Variants in MTF1 observed in about 807,000 individuals in gnomAD.
MTF1 encodes the protein MRE-binding transcription factor.
MTF1 carries 22 observed loss-of-function variants against 70.4 expected under a neutral mutation model. The observed-to-expected ratio is 0.31, with a 90% CI of 0.22 to 0.45. MTF1 has a LOEUF of 0.45. MTF1 is among the 20% of genes least tolerant of loss of function. MTF1 has a pLI of 1.00. For synonymous variants in MTF1, 333 were observed against 352.8 expected (o/e 0.94, Z 0.63); for missense variants, 649 against 922.0 (o/e 0.70, Z 3.83).
rs1358244149 is a variant in MTF1 at position 37,840,666 on chromosome 1, T to G, written c.409-508A>C. Among the ~76,000 whole-genome samples the G allele has an allele frequency of 2.0e-5, 3 of 152,202 alleles. No homozygotes were observed. On this transcript the variant is annotated intron_variant, in intron 2 of 10. Transcript: ENST00000373036. The surrounding 1 kb of genome is among the most constrained non-coding windows in gnomAD (Gnocchi z 4.5). ...AGCCTACAAAATGACAACAACATAT[T>G]GCAAATTTCTTGGAAGATTTGGTGA...
Position 37,857,534 on chromosome 1 carries a change from G to C in MTF1, c.125C>G (p.Thr42Ser). The C allele has an allele frequency of 1.2e-6, 2 of 1,614,186 alleles. No individual in the cohort carries two copies. The highest frequency in any genetic ancestry group is 1.7e-6 in the Non-Finnish European group (2 of 1,180,028). ...AAGAACAGTGGTCCTATCATAAACA[G>C]TTCCAGATGAGGAAGGCACCAGTCC... ...KNGLVPSSSG[T>S]VYDRTTVLIE... Residue 42 changes from threonine (T) to serine (S), a missense_variant, in exon 2 of 11, where the codon ACT (threonine) becomes AGT (serine). Thr to Ser is a moderately conservative substitution (Grantham distance 58). Around this residue, in one of 7 missense-constraint regions of MTF1, gnomAD observed 9 missense variants for 33.6 expected, o/e 0.27. Coordinates refer to ENST00000373036, the MANE Select transcript of MTF1 (RefSeq NM_005955.3).
intron 9 of MTF1, 78 bp from the exon 10 acceptor site, chr1:37,817,560 G>T: frequency 1.1e-6 from 1 of 940,872 alleles, no homozygotes; most frequent in Non-Finnish European, 1.7e-6. Context: ...CTCACCAACT[G>T]TAATGGTCAT....
At chr1:37,844,563 T>C (rs902552928) in intron 2 of MTF1, among the ~76,000 whole-genome samples, 3 of 152,176 alleles carry the variant, frequency 2.0e-5, no homozygotes, top group Non-Finnish European at 2.9e-5. Flanking sequence ...GAATTGAAAA[T>C]GATCACTCAC....
rs1640752571 is a variant in MTF1, at chr1:37,812,520, C to T, written c.*2616G>A. 1 of 152,222 alleles carries T rather than the reference C, an allele frequency of 6.6e-6. No individual in the cohort carries two copies. Among genetic ancestry groups the T allele is most frequent in the South Asian group, 2.1e-4 (1 of 4,832 alleles). 9.4% of individuals were successfully genotyped at this position (152,222 alleles called of 1,614,324 possible). A position where few individuals can be genotyped will look rare whatever the true frequency, so the allele number is the denominator to read the frequency against. ...AACTGGAAAAATCTGTCAGCCTAAA[C>T]ACTGTTTAAGATGCTGCTTCGTCAC... On this transcript the variant is annotated 3_prime_UTR_variant, in exon 11 of 11. Transcript: ENST00000373036.
chr1:37,819,274 T>C (rs1001543596), intron 9 of MTF1, among the ~76,000 whole-genome samples: 2 of 152,164 alleles, frequency 1.3e-5, no homozygotes, highest in African/African-American at 4.8e-5. Context: ...TCTGTGAGGA[T>C]GAAATGAGAT....
At chr1:37,821,580 T>A (rs1409859885) in intron 9 of MTF1, among the ~76,000 whole-genome samples, 2 of 152,224 alleles carry the variant, frequency 1.3e-5, no homozygotes, top group Admixed American at 6.5e-5. Flanking sequence ...GTTGTGAGAT[T>A]GGCCACCCTG....
intron 9 of MTF1, among the ~76,000 whole-genome samples, chr1:37,818,614 G>A (rs1158572800): frequency 6.6e-6 from 1 of 151,898 alleles, no homozygotes; most frequent in Non-Finnish European, 1.5e-5. Flanking sequence ...TGAGGCAGGA[G>A]AATGGTGTGA....
Position 37,838,625 on chromosome 1 carries a change from C to A in MTF1, c.779G>T (p.Arg260Leu). The change falls in exon 4 of 11, where the codon CGG becomes CTG. Residue 260 changes from arginine (R) to leucine (L), a missense_variant and splice_region_variant. Arg to Leu is a moderately radical substitution (Grantham distance 102). Transcript: ENST00000373036. ...IRTHTGEKPF[R>L]CDHDGCGKAF... is the part of the protein sequence containing the mutation. ...ACAAATAGAAAACAGTAAGACCTAC[C>A]GAAATGGCTTTTCCCCTGTATGAGT... is the stretch of plus-strand genomic sequence containing the variant. 1 of 1,610,630 alleles carries A rather than the reference C, an allele frequency of 6.2e-7. No individual in the cohort carries two copies. Among genetic ancestry groups the A allele is most frequent in the South Asian group, 1.1e-5 (1 of 90,896 alleles).
intron 9 of MTF1, among the ~76,000 whole-genome samples, chr1:37,821,097 G>C (rs754634641): frequency 6.6e-6 from 1 of 151,998 alleles, no homozygotes; most frequent in Non-Finnish European, 1.5e-5. Context: ...GATGGCTTGA[G>C]CTCAAGAGGT....
intron 3 of MTF1, among the ~76,000 whole-genome samples, 180 bp from the exon 4 acceptor site, chr1:37,838,936 A>G (rs556098817): frequency 6.0e-5 from 9 of 149,978 alleles, no homozygotes; most frequent in Non-Finnish European, 3.0e-5. Flanking sequence ...TCCCAAGTAG[A>G]TGGGATTATG....
chr1:37,821,880 A>G (rs1472094295), intron 9 of MTF1, among the ~76,000 whole-genome samples: 16 of 152,054 alleles, frequency 1.1e-4, no homozygotes, highest in Non-Finnish European at 4.4e-5. Context: ...ATCAGTAGGA[A>G]TATTTGTTTG....
intron 2 of MTF1, among the ~76,000 whole-genome samples, chr1:37,856,110 T>C (rs1326630472): frequency 6.6e-6 from 1 of 151,540 alleles, no homozygotes; most frequent in Non-Finnish European, 1.5e-5. Flanking sequence ...TAGCTAAACA[T>C]GAAAATGAAA....
intron 9 of MTF1, among the ~76,000 whole-genome samples, chr1:37,819,465 G>A (rs535665756): frequency 1.6e-4 from 25 of 151,960 alleles, no homozygotes; most frequent in African/African-American, 6.0e-4. Context: ...ATAAACCTAT[G>A]CCCAGAAAAT....
chr1:37,830,599 T>C (rs1430943923), intron 7 of MTF1, among the ~76,000 whole-genome samples: 1 of 152,272 alleles, frequency 6.6e-6, no homozygotes, highest in Non-Finnish European at 1.5e-5. Context: ...ACCTTTTCTC[T>C]TGTGGAGGGA....
rs1054573165 is a variant in MTF1 at position 37,813,647 on chromosome 1, A to G, written c.*1489T>C. On this transcript the variant is annotated 3_prime_UTR_variant, in exon 11 of 11. Coordinates refer to ENST00000373036, the MANE Select transcript of MTF1 (RefSeq NM_005955.3). ...GGAACACCACTCCTTGCTCAGGGCA[A>G]GGAAAGGGCTCTTGGGAGGCAGAGG... 3.9e-5 allele frequency: 6 copies of G among 152,294 alleles called. No homozygotes were observed. Among genetic ancestry groups the G allele is most frequent in the African/African-American group, 1.4e-4 (6 of 41,480 alleles). The allele number at this position is 152,294 out of a possible 1,614,324, so 9.4% of individuals were successfully genotyped here.
chr1:37,854,995 G>A (rs1436404291), intron 2 of MTF1, among the ~76,000 whole-genome samples: 1 of 152,132 alleles, frequency 6.6e-6, no homozygotes, highest in Non-Finnish European at 1.5e-5. Context: ...GGAGGCGGAG[G>A]TTGCAGTGAG....
intron 2 of MTF1, among the ~76,000 whole-genome samples, chr1:37,852,173 C>A (rs923989809): frequency 5.9e-5 from 9 of 152,154 alleles, no homozygotes; most frequent in Non-Finnish European, 1.2e-4. Flanking sequence ...CCCTTAAATT[C>A]TCAGGCCAAC....
intron 2 of MTF1, among the ~76,000 whole-genome samples, chr1:37,855,054 C>T (rs1557600231): frequency 6.6e-6 from 1 of 152,010 alleles, no homozygotes; most frequent in Non-Finnish European, 1.5e-5. Flanking sequence ...AGCAAAACTC[C>T]ATCTCAAAAA....
chr1:37,854,654 T>C (rs1184261572), intron 2 of MTF1, among the ~76,000 whole-genome samples: 2 of 152,188 alleles, frequency 1.3e-5, no homozygotes, highest in East Asian at 3.9e-4. Flanking sequence ...GCTGATAAAA[T>C]GTAGACTATA....
Sources: allele counts gnomAD v4.1 joint callset (sites outside exome capture counted in the v4.1 genomes callset), GRCh38; gene constraint gnomAD v4.1.1; regional missense constraint gnomAD v4.1.1; non-coding constraint Gnocchi (gnomAD v3.1); transcripts MANE v1.5; gene names NCBI Gene and HGNC (gene_info 2026-07-23, HGNC 2026-07-21).